The following NUF2 variants were observed in gnomAD, a reference collection of about 807,000 sequenced individuals.
The protein encoded by NUF2 is kinetochore protein Nuf2.
Under a neutral mutation model 61.8 loss-of-function variants are expected in NUF2, and 34 were observed. That is an observed-to-expected ratio of 0.55 (90% CI 0.42 to 0.73). The LOEUF (loss-of-function observed/expected upper bound fraction) is 0.73, where lower values mean the gene tolerates loss of function less well. Ranked by LOEUF, NUF2 falls within the 30% of genes least tolerant of loss-of-function variation. NUF2 has a pLI of 0.00. For missense variants in NUF2, 445 were observed against 539.1 expected (o/e 0.83, Z 1.73); for synonymous variants, 172 against 181.6 (o/e 0.95, Z 0.42).
chr1:163,339,642 A>G (rs1650876020), intron 8 of NUF2, among the ~76,000 whole-genome samples, 165 bp downstream of exon 8: 1 of 151,986 alleles, frequency 6.6e-6, no homozygotes, highest in Non-Finnish European at 1.5e-5. Flanking sequence ...ACTTCTCTCA[A>G]CCATCTAGAA....
intron 2 of NUF2, among the ~76,000 whole-genome samples, chr1:163,327,167 C>T (rs1464644463): frequency 6.6e-6 from 1 of 151,850 alleles, no homozygotes; most frequent in Non-Finnish European, 1.5e-5. Flanking sequence ...TTATTTCTGC[C>T]ACATGCCTGA....
chr1:163,329,415 T>G (rs1480706007), intron 5 of NUF2, among the ~76,000 whole-genome samples: 4 of 152,204 alleles, frequency 2.6e-5, no homozygotes, highest in Admixed American at 6.5e-5. Flanking sequence ...TGTATTGCTA[T>G]AAAGAAATAC....
At chr1:163,335,364 G>C (rs886779529) in intron 5 of NUF2, among the ~76,000 whole-genome samples, 3 of 152,084 alleles carry the variant, frequency 2.0e-5, no homozygotes, top group African/African-American at 7.2e-5. Context: ...TTAGTTGACA[G>C]TTTTTTCAGT....
intron 9 of NUF2, among the ~76,000 whole-genome samples, chr1:163,340,911 A>G (rs1391574399): frequency 6.6e-6 from 1 of 152,186 alleles, no homozygotes; most frequent in Non-Finnish European, 1.5e-5. Flanking sequence ...TATTAAACAG[A>G]AATATATGTA....
chr1:163,327,843 G>T (rs991133195), intron 3 of NUF2: 1 of 395,150 alleles, frequency 2.5e-6, no homozygotes, highest in Non-Finnish European at 4.5e-6. Flanking sequence ...TTATAGGTTT[G>T]TTTTCAGAGA....
At position 163,348,983 on chromosome 1, in the gene NUF2, A is replaced by G. The variant is rs763360128; in HGVS notation, c.1163A>G (p.Tyr388Cys). ...GTTCAAGAAAAAAGAGGTGCTGTCTATGAACGAGTAACCACAATTAATCAA... is the reference window on the plus strand; with the variant it reads ...GTTCAAGAAAAAAGAGGTGCTGTCTGTGAACGAGTAACCACAATTAATCAA... Reference protein sequence around the residue: ...NKVQEKRGAVYERVTTINQEI... With the variant: ...NKVQEKRGAVCERVTTINQEI... Residue 388 changes from tyrosine (Y) to cysteine (C), a missense_variant, in exon 13 of 14, where the codon TAT becomes TGT. Physicochemically the swap from Tyr to Cys is radical, Grantham distance 194 (BLOSUM62 -2). Coordinates refer to ENST00000271452, the MANE Select transcript of NUF2 (RefSeq NM_145697.3). 3 of 1,610,522 alleles carry G rather than the reference A, an allele frequency of 1.9e-6. No individual in the cohort carries two copies. Among genetic ancestry groups the G allele is most frequent in the Admixed American group, 1.7e-5 (1 of 59,262 alleles).
chr1:163,349,873 G>A (rs1043255526), intron 13 of NUF2, among the ~76,000 whole-genome samples: 1 of 151,814 alleles, frequency 6.6e-6, no homozygotes, highest in African/African-American at 2.4e-5. Context: ...CACGTCCATG[G>A]TCTTCCCAAT....
intron 2 of NUF2, among the ~76,000 whole-genome samples, chr1:163,327,055 A>G (rs1650440529): frequency 6.6e-6 from 1 of 151,776 alleles, no homozygotes; most frequent in African/African-American, 2.4e-5. Context: ...TTCAAATCTA[A>G]GGAAACCTTA....
rs769551318 is a variant in NUF2, at chr1:163,343,904, C to CT, written c.807+35dup. 5 of 1,297,690 alleles carry CT rather than the reference C, an allele frequency of 3.9e-6. No individual in the cohort carries two copies. The African/African-American group carries it at 7.8e-5, about 20-fold the overall frequency. The allele number at this position is 1,297,690 out of a possible 1,614,324, so 80.4% of individuals were successfully genotyped here. A position where few individuals can be genotyped will look rare whatever the true frequency, so the allele number is the denominator to read the frequency against. On this transcript the variant is annotated intron_variant, in intron 10 of 13. Transcript: ENST00000271452. ...TCTTTTTATTTTAATGCTTTTGTATCTAAAAAAAAAAATTAGCAAATTCTT... is the reference window on the plus strand; with the variant it reads ...TCTTTTTATTTTAATGCTTTTGTATCTTAAAAAAAAAAATTAGCAAATTCTT...
At chr1:163,334,600 A>T (rs1650696279) in intron 5 of NUF2, among the ~76,000 whole-genome samples, 1 of 152,120 alleles carries the variant, frequency 6.6e-6, no homozygotes, top group Non-Finnish European at 1.5e-5. Context: ...ATATAGCAAG[A>T]TCCTTTTTCT....
At chr1:163,348,910 A>G in intron 12 of NUF2, 35 bp from the exon 13 acceptor site, 1 of 1,590,084 alleles carries the variant, frequency 6.3e-7, no homozygotes. Context: ...GTTGCTGAAG[A>G]GGATTAAATA....
chr1:163,342,616 C>T (rs749048801), intron 9 of NUF2, among the ~76,000 whole-genome samples: 1 of 152,084 alleles, frequency 6.6e-6, no homozygotes, highest in African/African-American at 2.4e-5. Flanking sequence ...CACAGTAATA[C>T]ATTCCTGTTA....
chr1:163,325,101 T>C (rs1650374457), intron 1 of NUF2, among the ~76,000 whole-genome samples: 1 of 152,154 alleles, frequency 6.6e-6, no homozygotes, highest in Non-Finnish European at 1.5e-5. Context: ...TTCATCATGT[T>C]GCCCAGGCTG....
At chr1:163,335,277 G>A (rs1437881212) in intron 5 of NUF2, among the ~76,000 whole-genome samples, 1 of 152,118 alleles carries the variant, frequency 6.6e-6, no homozygotes, top group Non-Finnish European at 1.5e-5. Flanking sequence ...AGGGACTGGT[G>A]CATCCACAGA....
At chr1:163,349,866 G>C (rs529960185) in intron 13 of NUF2, among the ~76,000 whole-genome samples, 1 of 151,744 alleles carries the variant, frequency 6.6e-6, no homozygotes, top group Non-Finnish European at 1.5e-5. Context: ...GGGATTTCAC[G>C]TCCATGGTCT....
chr1:163,349,598 A>G (rs1038428510), intron 13 of NUF2, among the ~76,000 whole-genome samples: 3 of 152,110 alleles, frequency 2.0e-5, no homozygotes, highest in Non-Finnish European at 4.4e-5. Flanking sequence ...AAAACCGCTG[A>G]TACCTGATAA....
intron 5 of NUF2, among the ~76,000 whole-genome samples, chr1:163,329,414 A>G (rs1385562727): frequency 1.3e-5 from 2 of 152,200 alleles, no homozygotes; most frequent in East Asian, 1.9e-4. Flanking sequence ...TTGTATTGCT[A>G]TAAAGAAATA....
intron 12 of NUF2, among the ~76,000 whole-genome samples, chr1:163,348,275 G>A (rs1651201889): frequency 6.6e-6 from 1 of 152,130 alleles, no homozygotes; most frequent in Non-Finnish European, 1.5e-5. Flanking sequence ...CTATCTTATA[G>A]TCCAGCTTGT....
Position 163,337,985 on chromosome 1 carries a change from G to A in NUF2, c.436-35G>A, listed in dbSNP as rs777394557. On this transcript the variant is annotated intron_variant, in intron 6 of 13. Transcript: ENST00000271452. The stretch of plus-strand genomic sequence containing the variant: ...TTGGACACACTGATTGTGTTGAAAT[G>A]CACTAATATGAGATGATTAAAATTG... 4.7e-6 allele frequency: 7 copies of A among 1,489,310 alleles called. 1 individual carries two copies. The South Asian group carries it at 7.9e-5, about 17-fold the overall frequency. 92.3% of individuals were successfully genotyped at this position (1,489,310 alleles called of 1,614,324 possible).
Sources: gnomAD v4.1 joint callset for allele counts (sites outside exome capture counted in the v4.1 genomes callset) on GRCh38, gnomAD v4.1.1 for gene constraint, MANE v1.5 for transcripts, NCBI Gene and HGNC (gene_info 2026-07-23, HGNC 2026-07-21) for gene names.